HS3ST3A1: variants seen among roughly 807,000 people sequenced by gnomAD.
HS3ST3A1 encodes heparan sulfate glucosamine 3-O-sulfotransferase 3A1.
Under a neutral mutation model 25.7 loss-of-function variants are expected in HS3ST3A1, and 19 were observed. The observed-to-expected ratio is 0.74, with a 90% confidence interval of 0.52 to 1.08. The LOEUF is 1.08. Ranked by LOEUF, HS3ST3A1 falls within the 50% of genes least tolerant of loss-of-function variation. The pLI is 0.00. For missense variants in HS3ST3A1, 459 were observed against 594.3 expected (o/e 0.77, Z 2.37); for synonymous variants, 226 against 278.6 (o/e 0.81, Z 1.88).
intron 1 of HS3ST3A1, among the ~76,000 whole-genome samples, chr17:13,502,665 T>A (rs996642297): frequency 6.6e-6 from 1 of 152,210 alleles, no homozygotes; most frequent in Non-Finnish European, 1.5e-5. Context: ...TTCCCCATTT[T>A]ATTTTTAACC....
chr17:13,520,186 G>T (rs973422523), intron 1 of HS3ST3A1, among the ~76,000 whole-genome samples: 3 of 152,128 alleles, frequency 2.0e-5, no homozygotes, highest in African/African-American at 7.2e-5. Flanking sequence ...ATAAAGAATG[G>T]ATATGTTATT....
intron 1 of HS3ST3A1, among the ~76,000 whole-genome samples, chr17:13,570,015 T>C (rs1277659115): frequency 6.6e-6 from 1 of 152,244 alleles, no homozygotes; most frequent in Non-Finnish European, 1.5e-5. Flanking sequence ...AGTGGCACTG[T>C]GCAGAAGATG....
rs113154077 is a variant in HS3ST3A1 at position 13,601,579 on chromosome 17, C to A, written c.-450G>T. On this transcript the variant is annotated 5_prime_UTR_variant, in exon 1 of 2. Coordinates refer to ENST00000284110, the MANE Select transcript of HS3ST3A1 (RefSeq NM_006042.3). ...GGCTCGGTCCCCGTGAGGGCACGCG[C>A]GGCTGCCGGGCCTCTGCGCTCCGTG... 2.0e-4 allele frequency: 32 copies of A among 158,414 alleles called. No individual in the cohort carries two copies. The highest frequency in any genetic ancestry group is 6.2e-4 in the African/African-American group (26 of 41,824). The allele number at this position is 158,414 out of a possible 1,614,324, so 9.8% of individuals were successfully genotyped here. A position where few individuals can be genotyped will look rare whatever the true frequency, so the allele number is the denominator to read the frequency against.
At chr17:13,560,150 T>C (rs1056815381) in intron 1 of HS3ST3A1, among the ~76,000 whole-genome samples, 1 of 150,366 alleles carries the variant, frequency 6.7e-6, no homozygotes, top group East Asian at 2.0e-4. Context: ...ATTAGCCAGG[T>C]ATGGTGGCAC....
At chr17:13,599,844 C>T (rs1908672426) in intron 1 of HS3ST3A1, among the ~76,000 whole-genome samples, 1 of 152,216 alleles carries the variant, frequency 6.6e-6, no homozygotes, top group Admixed American at 6.5e-5. Context: ...AAGTTTCTGT[C>T]AGTCAAAAGA....
intron 1 of HS3ST3A1, among the ~76,000 whole-genome samples, chr17:13,501,408 A>G (rs1598406464): frequency 6.6e-6 from 1 of 152,214 alleles, no homozygotes; most frequent in African/African-American, 2.4e-5. Flanking sequence ...AAGGGAGGAC[A>G]AACATTTCAG....
intron 1 of HS3ST3A1, among the ~76,000 whole-genome samples, chr17:13,527,510 C>A (rs1387964325): frequency 1.3e-5 from 2 of 152,148 alleles, no homozygotes; most frequent in African/African-American, 4.8e-5. Flanking sequence ...AAGGCATTAT[C>A]CATCACCCCA....
chr17:13,560,297 A>AAAAAAAAAAAAAAAC, intron 1 of HS3ST3A1, among the ~76,000 whole-genome samples: 1 of 130,016 alleles, frequency 7.7e-6, no homozygotes, highest in Non-Finnish European at 1.6e-5. Context: ...TCCAAAAAAA[A>AAAAAAAAAAAAAAAC]AAAAAAAAAA....
intron 1 of HS3ST3A1, among the ~76,000 whole-genome samples, chr17:13,560,639 T>C (rs1414812322): frequency 6.6e-6 from 1 of 152,190 alleles, no homozygotes; most frequent in Non-Finnish European, 1.5e-5. Flanking sequence ...TATGGTAAAG[T>C]GAGCTGACTA....
chr17:13,520,647 C>T (rs569971074), intron 1 of HS3ST3A1, among the ~76,000 whole-genome samples: 1 of 150,954 alleles, frequency 6.6e-6, no homozygotes, highest in Non-Finnish European at 1.5e-5. Flanking sequence ...TAGAGTCTTG[C>T]TCTGTCACCC....
chr17:13,539,446 C>T (rs1337882983), intron 1 of HS3ST3A1, among the ~76,000 whole-genome samples: 3 of 152,222 alleles, frequency 2.0e-5, no homozygotes, highest in East Asian at 3.8e-4. Flanking sequence ...TACTAATGGT[C>T]AGCTCAGGGA....
In HS3ST3A1 at chr17:13,600,921, ACGCCGCCACCAGGGGCCCCCGCCTCCT is replaced by A. The variant is rs758099014; in HGVS notation, c.182_208del (p.Glu61_Gly69del). 8.7e-5 allele frequency: 133 copies of A among 1,528,646 alleles called. No homozygotes were observed. Among genetic ancestry groups the A allele is most frequent in the Non-Finnish European group, 1.1e-4 (123 of 1,139,002 alleles). The allele number at this position is 1,528,646 out of a possible 1,614,324, so 94.7% of individuals were successfully genotyped here. On this transcript the variant is annotated inframe_deletion, in exon 1 of 2. Transcript: ENST00000284110. Reference sequence around the variant, plus strand: ...CAGCTCCCTCGGGCCTCCGGCCAGGACGCCGCCACCAGGGGCCCCCGCCTCCTCGCCGCCGCCGGACAGCCCCACGAC... The same window carrying A: ...CAGCTCCCTCGGGCCTCCGGCCAGGACGCCGCCGCCGGACAGCCCCACGAC...
chr17:13,576,461 C>T (rs1907951289), intron 1 of HS3ST3A1, among the ~76,000 whole-genome samples: 1 of 152,214 alleles, frequency 6.6e-6, no homozygotes, highest in South Asian at 2.1e-4. Flanking sequence ...ACAGAGAACG[C>T]ACTCAAGACA....
intron 1 of HS3ST3A1, among the ~76,000 whole-genome samples, chr17:13,573,533 G>A (rs3826369): frequency 0.028 from 4,238 of 152,134 alleles, 178 homozygotes; most frequent in African/African-American, 0.088. Context: ...ACCAGAAATC[G>A]AAATCTGATG....
intron 1 of HS3ST3A1, among the ~76,000 whole-genome samples, chr17:13,526,132 T>C (rs1458060549): frequency 1.3e-5 from 2 of 151,942 alleles, no homozygotes; most frequent in African/African-American, 4.8e-5. Context: ...GAATCTGCCC[T>C]GTGTCACTGC....
intron 1 of HS3ST3A1, among the ~76,000 whole-genome samples, chr17:13,550,108 C>T (rs975531752): frequency 6.6e-6 from 1 of 152,208 alleles, no homozygotes; most frequent in Admixed American, 6.5e-5. Flanking sequence ...CACCACACAG[C>T]ATATACAAGT....
intron 1 of HS3ST3A1, among the ~76,000 whole-genome samples, chr17:13,586,967 T>C (rs186799629): frequency 6.6e-6 from 1 of 150,610 alleles, no homozygotes; most frequent in African/African-American, 2.5e-5. Context: ...TTTATTTTGA[T>C]TTCATATTGA....
At chr17:13,574,134 C>CT (rs557193269) in intron 1 of HS3ST3A1, among the ~76,000 whole-genome samples, 22,443 of 125,940 alleles carry the variant, frequency 0.18, 2,690 homozygotes, top group African/African-American at 0.27. Context: ...CCATATCACT[C>CT]TTTTTTTTTT....
At chr17:13,531,009 C>T (rs186789102) in intron 1 of HS3ST3A1, among the ~76,000 whole-genome samples, 1 of 152,138 alleles carries the variant, frequency 6.6e-6, no homozygotes, top group Admixed American at 6.5e-5. Flanking sequence ...TGAGTGTTTC[C>T]ATTTGATTGG....
Sources: gnomAD v4.1 joint callset for allele counts (sites outside exome capture counted in the v4.1 genomes callset) on GRCh38, gnomAD v4.1.1 for gene constraint, MANE v1.5 for transcripts, NCBI Gene and HGNC (gene_info 2026-07-23, HGNC 2026-07-21) for gene names.